PRELID2: variants seen among roughly 807,000 people sequenced by gnomAD.
PRELID2 encodes the protein PRELI domain containing 2, also known as PRELI domain-containing protein 2.
PRELID2 carries 25 observed loss-of-function variants against 28.4 expected under a neutral mutation model. That is an observed-to-expected ratio of 0.88 (90% CI 0.64 to 1.23). The LOEUF is 1.23. PRELID2 is among the 50% of genes most tolerant of loss of function. PRELID2 has a pLI of 0.00. For missense variants in PRELID2, 201 were observed against 214.4 expected, an observed-to-expected ratio of 0.94 and a Z score of 0.39; for synonymous variants, 76 against 71.6, an observed-to-expected ratio of 1.06 and a Z score of -0.31.
At chr5:145,634,083 T>G (rs1372153269) in intron 1 of PRELID2, among the ~76,000 whole-genome samples, 2 of 152,184 alleles carry the variant, frequency 1.3e-5, no homozygotes, top group Non-Finnish European at 2.9e-5. Context: ...GAGGAGATAA[T>G]CCCAGAAAAT....
At chr5:145,421,477 C>A in the PRELID2 span, among the ~76,000 whole-genome samples, 5 of 149,944 alleles carry the variant, frequency 3.3e-5, no homozygotes, top group African/African-American at 1.2e-4. Flanking sequence ...TGTATGTGTC[C>A]AGGAATTTAT....
At chr5:145,251,557 C>T in the PRELID2 span, among the ~76,000 whole-genome samples, 1 of 152,212 alleles carries the variant, frequency 6.6e-6, no homozygotes, top group South Asian at 2.1e-4. Flanking sequence ...TCCCAACCAC[C>T]TCAGCTGGTG....
chr5:145,470,095 C>G (rs895153364), downstream of PRELID2, among the ~76,000 whole-genome samples: 7 of 152,130 alleles, frequency 4.6e-5, no homozygotes, highest in Non-Finnish European at 7.4e-5. Context: ...AAACGTAAAT[C>G]ACACGAAGGG....
intron 4 of PRELID2, among the ~76,000 whole-genome samples, chr5:145,810,552 G>A (rs1753858351): frequency 6.6e-6 from 1 of 152,140 alleles, no homozygotes; most frequent in Middle Eastern, 3.2e-3. Context: ...TGTACTGAGG[G>A]AATGCAAAAC....
At chr5:145,300,705 T>TC in the PRELID2 span, among the ~76,000 whole-genome samples, 1 of 150,362 alleles carries the variant, frequency 6.7e-6, no homozygotes, top group East Asian at 1.9e-4. Flanking sequence ...ATTTACTTTT[T>TC]TTTTTTTTTT....
chr5:145,821,737 G>A (rs1287507550), intron 2 of PRELID2, among the ~76,000 whole-genome samples: 2 of 152,104 alleles, frequency 1.3e-5, no homozygotes, highest in African/African-American at 2.4e-5. Flanking sequence ...TACTCGAAAT[G>A]GATTAGCCAC....
chr5:145,663,504 G>A (rs1252648528), intron 1 of PRELID2, among the ~76,000 whole-genome samples: 4 of 152,182 alleles, frequency 2.6e-5, no homozygotes, highest in African/African-American at 9.6e-5. Flanking sequence ...CACGGAGGAA[G>A]GGACTTATAC....
chr5:145,371,173 G>A, the PRELID2 span, among the ~76,000 whole-genome samples: 1,402 of 152,150 alleles, frequency 9.2e-3, 18 homozygotes, highest in East Asian at 0.043. Flanking sequence ...GGTGAGAAAG[G>A]GCAGCCTTGT....
At position 145,603,265 on chromosome 5, in the gene PRELID2, A is replaced by G. The variant is rs536553941; in HGVS notation, n.71-129950T>C. Among the ~76,000 whole-genome samples, 10 of 152,018 alleles carry G rather than the reference A, an allele frequency of 6.6e-5. No homozygotes were observed. In the South Asian group the frequency reaches 2.1e-3, roughly 31 times the overall value. ...AGCTAAATAGAATAAATAAAAAGAA[A>G]AGGACATAATTAAATCAGAGCAGCT... On this transcript the variant is annotated intron_variant and non_coding_transcript_variant, in intron 1 of 2. Transcript: ENST00000510259.
intron 1 of PRELID2, among the ~76,000 whole-genome samples, chr5:145,712,724 A>T (rs904591363): frequency 6.6e-6 from 1 of 152,232 alleles, no homozygotes; most frequent in Non-Finnish European, 1.5e-5. Flanking sequence ...GATATGGCTC[A>T]CATGTTGAAA....
At chr5:145,800,550 T>C (rs553309091) in intron 4 of PRELID2, among the ~76,000 whole-genome samples, 3 of 152,170 alleles carry the variant, frequency 2.0e-5, no homozygotes, top group African/African-American at 7.2e-5. Flanking sequence ...TTGGGAGAGA[T>C]GAACTCTTCA....
chr5:145,394,023 C>G, the PRELID2 span, among the ~76,000 whole-genome samples: 2 of 152,070 alleles, frequency 1.3e-5, no homozygotes, highest in Non-Finnish European at 2.9e-5. Context: ...GTCAGTGTGG[C>G]GATTCCTCAG....
intron 1 of PRELID2, among the ~76,000 whole-genome samples, chr5:145,678,095 T>C (rs1333345252): frequency 6.6e-6 from 1 of 152,248 alleles, no homozygotes; most frequent in Non-Finnish European, 1.5e-5. Context: ...TAAAGAGGAC[T>C]AATGAAACTA....
chr5:145,811,059 G>A (rs548465136), intron 4 of PRELID2, among the ~76,000 whole-genome samples: 5 of 106,850 alleles, frequency 4.7e-5, no homozygotes, highest in East Asian at 3.2e-4. Flanking sequence ...GAAGGCAAAA[G>A]GCACGTCTTA....
the PRELID2 span, among the ~76,000 whole-genome samples, chr5:145,285,680 T>C: frequency 6.6e-6 from 1 of 152,138 alleles, no homozygotes; most frequent in Non-Finnish European, 1.5e-5. Context: ...CCAGCATTAA[T>C]CTCTGCACAA....
chr5:145,234,357 G>T, the PRELID2 span, among the ~76,000 whole-genome samples: 36 of 152,202 alleles, frequency 2.4e-4, no homozygotes, highest in African/African-American at 7.9e-4. Flanking sequence ...TGAGAAAACT[G>T]AGGCTTAGAG....
chr5:145,380,384 C>T, the PRELID2 span, among the ~76,000 whole-genome samples: 1 of 152,168 alleles, frequency 6.6e-6, no homozygotes. Flanking sequence ...AGGAGCACGC[C>T]AGTTCTTATG....
At chr5:145,416,199 C>T in the PRELID2 span, among the ~76,000 whole-genome samples, 10 of 151,064 alleles carry the variant, frequency 6.6e-5, no homozygotes, top group African/African-American at 1.9e-4. Context: ...TCAGATGAGT[C>T]GGTTGGCTAG....
chr5:145,697,297 C>T (rs112481260), intron 1 of PRELID2, among the ~76,000 whole-genome samples: 29 of 152,028 alleles, frequency 1.9e-4, no homozygotes, highest in Middle Eastern at 3.4e-3. Flanking sequence ...TGCTTCTCCT[C>T]ATTTAATCTC....
Sources: allele counts gnomAD v4.1 joint callset (sites outside exome capture counted in the v4.1 genomes callset), GRCh38; gene constraint gnomAD v4.1.1; transcripts MANE v1.5; gene names NCBI Gene and HGNC (gene_info 2026-07-23, HGNC 2026-07-21).